RBFOX1: variants seen among roughly 807,000 people sequenced by gnomAD.
RBFOX1 encodes the protein RNA binding protein fox-1 homolog 1.
In RBFOX1, 8 loss-of-function variants were observed where a neutral mutation model predicts 57.7. The ratio of observed to expected loss-of-function variants is 0.14; its 90% CI spans 0.08 to 0.25. RBFOX1 has a LOEUF of 0.25. RBFOX1 is among the 10% of genes least tolerant of loss of function. The pLI is 1.00. For synonymous variants in RBFOX1, 326 were observed against 222.4 expected, an observed-to-expected ratio of 1.47 and a Z score of -4.15; for missense variants, 611 against 548.5, an observed-to-expected ratio of 1.11 and a Z score of -1.14.
In RBFOX1 at chr16:7,191,408, G is replaced by A. The variant is rs75859257; in HGVS notation, c.27+139310G>A. ...TTTACAATACACTGTGACAAATGGC[G>A]CCTCATGTTGTACAATTGTCCTCAT... On this transcript the variant is annotated intron_variant, in intron 4 of 15. Coordinates refer to ENST00000550418, the MANE Select transcript of RBFOX1 (RefSeq NM_018723.4). Among the ~76,000 whole-genome samples, 107 of 151,520 alleles carry A rather than the reference G, an allele frequency of 7.1e-4. No homozygotes were observed. In the East Asian group the frequency reaches 0.013, roughly 18 times the overall value.
chr16:6,538,138 T>G (rs1004207895), intron 2 of RBFOX1, among the ~76,000 whole-genome samples: 3 of 152,152 alleles, frequency 2.0e-5, no homozygotes, highest in Non-Finnish European at 4.4e-5. Context: ...CACAATGCTG[T>G]GCAATGATTA....
intron 2 of RBFOX1, among the ~76,000 whole-genome samples, chr16:5,557,318 GTTGT>G (rs2045718153): frequency 6.6e-6 from 1 of 150,826 alleles, no homozygotes; most frequent in South Asian, 2.1e-4. Flanking sequence ...TTTCTGAAAG[GTTGT>G]TTGCGTTCCT....
chr16:5,487,527 G>T (rs144117203), intron 2 of RBFOX1, among the ~76,000 whole-genome samples: 100 of 152,320 alleles, frequency 6.6e-4, no homozygotes, highest in African/African-American at 2.3e-3. Context: ...AGTCTGGAAA[G>T]GTTGGTTGGT....
chr16:7,276,572 C>A (rs1456506964), intron 4 of RBFOX1, among the ~76,000 whole-genome samples: 1 of 151,842 alleles, frequency 6.6e-6, no homozygotes, highest in Non-Finnish European at 1.5e-5. Context: ...TTAAATTTTT[C>A]TGCCTCCTAG....
chr16:7,709,900 A>G (rs1245398705), intron 15 of RBFOX1: 1 of 1,070,546 alleles, frequency 9.3e-7, no homozygotes. Flanking sequence ...TTTGGCATGC[A>G]GTTTTCTGCT....
chr16:7,617,041 G>A (rs1185031943), intron 10 of RBFOX1, among the ~76,000 whole-genome samples: 8 of 151,844 alleles, frequency 5.3e-5, no homozygotes, highest in Admixed American at 3.9e-4. Context: ...TGTAATGATG[G>A]TAGTAGTGAG....
intron 4 of RBFOX1, among the ~76,000 whole-genome samples, chr16:7,182,388 C>G (rs1254046761): frequency 6.6e-6 from 1 of 152,122 alleles, no homozygotes; most frequent in East Asian, 1.9e-4. Flanking sequence ...ATGAAATGTC[C>G]TCACATTGAA....
chr16:6,204,428 G>C (rs761800059), intron 1 of RBFOX1, among the ~76,000 whole-genome samples: 14 of 152,134 alleles, frequency 9.2e-5, no homozygotes, highest in Non-Finnish European at 1.5e-4. Flanking sequence ...GAAGGGCCTA[G>C]AAGCTTCTGA....
Position 6,829,754 on chromosome 16 carries a change from A to G in RBFOX1, c.-16+175104A>G, listed in dbSNP as rs1473375880. On this transcript the variant is annotated intron_variant, in intron 3 of 15. Coordinates refer to ENST00000550418, the MANE Select transcript of RBFOX1 (RefSeq NM_018723.4). The stretch of plus-strand genomic sequence containing the variant: ...GTAGCTGGAATTACAGGCACCTGCC[A>G]CAACACCCAGCTAATTTTTGCATTT... Among the ~76,000 whole-genome samples, 6 of 152,188 alleles carry G rather than the reference A, an allele frequency of 3.9e-5. No homozygotes were observed. In the South Asian group the frequency reaches 8.3e-4, roughly 21 times the overall value.
intron 4 of RBFOX1, among the ~76,000 whole-genome samples, chr16:5,925,599 T>C (rs1165806397): frequency 6.6e-6 from 1 of 152,228 alleles, no homozygotes; most frequent in Non-Finnish European, 1.5e-5. Flanking sequence ...ATGTACTAAA[T>C]GCCACTGAAT....
chr16:5,372,411 G>T (rs773367651), intron 1 of RBFOX1, among the ~76,000 whole-genome samples: 5 of 152,144 alleles, frequency 3.3e-5, no homozygotes, highest in Admixed American at 6.5e-5. Context: ...AGATGGAAAT[G>T]ACCCAGTCTC....
intron 1 of RBFOX1, among the ~76,000 whole-genome samples, chr16:5,398,314 T>C (rs888007569): frequency 6.6e-6 from 1 of 152,050 alleles, no homozygotes; most frequent in Non-Finnish European, 1.5e-5. Flanking sequence ...TGTGCATGTG[T>C]GCTCGTGTGC....
intron 1 of RBFOX1, among the ~76,000 whole-genome samples, chr16:5,446,120 A>G (rs1256718048): frequency 6.6e-6 from 1 of 152,192 alleles, no homozygotes; most frequent in South Asian, 2.1e-4. Flanking sequence ...TTAATGGGGA[A>G]TGAAGGAAGA....
downstream of RBFOX1, chr16:5,601,109 T>A (rs2047350833): frequency 6.6e-6 from 1 of 152,228 alleles, no homozygotes; most frequent in African/African-American, 2.4e-5. Context: ...TGGCTGTCTC[T>A]TGCCCGTGAC....
intron 11 of RBFOX1, among the ~76,000 whole-genome samples, chr16:7,651,728 C>T (rs1056276841): frequency 1.3e-5 from 2 of 152,194 alleles, no homozygotes; most frequent in South Asian, 4.1e-4. Flanking sequence ...TGCAGAAAGC[C>T]TGGAAAAGGA....
intron 2 of RBFOX1, among the ~76,000 whole-genome samples, chr16:6,571,130 T>C (rs1333542448): frequency 6.6e-6 from 1 of 152,114 alleles, no homozygotes; most frequent in Non-Finnish European, 1.5e-5. Context: ...TATCTTGGAG[T>C]TGACATCATT....
At chr16:7,669,525 G>A (rs1033772748) in intron 13 of RBFOX1, among the ~76,000 whole-genome samples, 4 of 152,138 alleles carry the variant, frequency 2.6e-5, no homozygotes, top group Non-Finnish European at 4.4e-5. Flanking sequence ...AACATCCTAA[G>A]CGTCCTAACA....
chr16:5,346,519 A>G (rs1483851340), intron 1 of RBFOX1, among the ~76,000 whole-genome samples: 1 of 152,180 alleles, frequency 6.6e-6, no homozygotes. Context: ...CGCAAGAGCA[A>G]AAGGCTGGGT....
At chr16:6,665,610 A>C (rs2154103369) in intron 3 of RBFOX1, among the ~76,000 whole-genome samples, 1 of 143,472 alleles carries the variant, frequency 7.0e-6, no homozygotes, top group East Asian at 2.0e-4. Context: ...GGGTAACAAG[A>C]GTGAAACTCC....
Sources: gnomAD v4.1 joint callset for allele counts (sites outside exome capture counted in the v4.1 genomes callset) on GRCh38, gnomAD v4.1.1 for gene constraint, MANE v1.5 for transcripts, NCBI Gene and HGNC (gene_info 2026-07-23, HGNC 2026-07-21) for gene names.